COL24A1: variants seen among roughly 807,000 people sequenced by gnomAD.
COL24A1 encodes the protein collagen type XXIV alpha 1 chain.
Under a neutral mutation model 253.9 loss-of-function variants are expected in COL24A1, and 224 were observed. The ratio of observed to expected loss-of-function variants is 0.88; its 90% CI spans 0.79 to 0.99. The LOEUF is 0.99. Ranked by LOEUF, COL24A1 falls within the 50% of genes least tolerant of loss-of-function variation. The probability of loss-of-function intolerance (pLI) is 0.00; values close to 1 mark genes in which losing one functional copy is unlikely to be tolerated. For missense variants in COL24A1, 2,131 were observed against 2,068.5 expected (o/e 1.03, Z -0.59); for synonymous variants, 685 against 673.7 (o/e 1.02, Z -0.26).
At chr1:85,851,303 T>C (rs745616079) in intron 37 of COL24A1, among the ~76,000 whole-genome samples, 16 of 152,124 alleles carry the variant, frequency 1.1e-4, no homozygotes, top group Admixed American at 4.6e-4. Context: ...CTTAAAAAAA[T>C]GCTACAGGAT....
intron 24 of COL24A1, among the ~76,000 whole-genome samples, chr1:85,957,571 T>G (rs1690590925): frequency 6.6e-6 from 1 of 152,192 alleles, no homozygotes; most frequent in Admixed American, 6.5e-5. Flanking sequence ...AATTGCACAC[T>G]GGAGACTGAC....
chr1:85,747,426 T>G (rs1237495218), intron 55 of COL24A1, among the ~76,000 whole-genome samples: 1 of 152,102 alleles, frequency 6.6e-6, no homozygotes, highest in Non-Finnish European at 1.5e-5. Context: ...CTTTTGATAT[T>G]GACTATAGTA....
chr1:85,806,075 CA>C (rs59669169), intron 47 of COL24A1, among the ~76,000 whole-genome samples: 66,888 of 95,040 alleles, frequency 0.7, 21,328 homozygotes, highest in Middle Eastern at 0.82. Context: ...GACTCCGTCT[CA>C]AAAAAAAAAA....
intron 46 of COL24A1, 147 bp from the exon 47 acceptor site, chr1:85,817,042 T>C (rs1673112369): frequency 1.6e-6 from 1 of 618,824 alleles, no homozygotes; most frequent in Admixed American, 3.0e-5. Context: ...TCCTTAATGA[T>C]TTACTATTTG....
chr1:85,809,736 T>C (rs1299873479), intron 47 of COL24A1, among the ~76,000 whole-genome samples: 3 of 149,774 alleles, frequency 2.0e-5, no homozygotes, highest in African/African-American at 4.9e-5. Flanking sequence ...TTTTTTTTGT[T>C]TTTATTATGG....
At position 85,823,692 on chromosome 1, in the gene COL24A1, C is replaced by G. The variant is rs543283926; in HGVS notation, c.3728G>C (p.Gly1243Ala). 6.2e-7 allele frequency: 1 copy of G among 1,613,772 alleles called. No individual in the cohort carries two copies. The change falls in exon 44 of 60, where the codon GGA becomes GCA. Residue 1243 changes from glycine to alanine, a missense_variant. Transcript: ENST00000370571. The part of the protein sequence containing the change: ...PGLRGATGQQ[G>A]PPGEPGDQGE... ...AATGCTTTCAAAACATACTGGGGGT[C>G]CTTGTTGTCCAGTGGCACCTCTTAG...
intron 24 of COL24A1, among the ~76,000 whole-genome samples, chr1:85,938,376 G>C (rs148760778): frequency 6.8e-6 from 1 of 146,710 alleles, no homozygotes; most frequent in African/African-American, 2.5e-5. Flanking sequence ...TGAACTATAA[G>C]CTATGGCAAT....
intron 59 of COL24A1, among the ~76,000 whole-genome samples, chr1:85,731,814 C>T (rs1230857905): frequency 6.6e-6 from 1 of 152,052 alleles, no homozygotes; most frequent in Non-Finnish European, 1.5e-5. Flanking sequence ...AACTAGAGTA[C>T]TCAGGGAAAG....
intron 18 of COL24A1, among the ~76,000 whole-genome samples, chr1:86,020,607 T>C (rs566910142): frequency 6.6e-6 from 1 of 152,258 alleles, no homozygotes; most frequent in Admixed American, 6.5e-5. Context: ...AAATTAATTG[T>C]AAAGCACAAA....
At chr1:85,789,713 G>A (rs1041003944) in intron 47 of COL24A1, among the ~76,000 whole-genome samples, 1 of 152,066 alleles carries the variant, frequency 6.6e-6, no homozygotes, top group Non-Finnish European at 1.5e-5. Context: ...TTATTATTTT[G>A]AGGTATGTTC....
At chr1:86,061,393 T>C (rs1701081757) in intron 8 of COL24A1, among the ~76,000 whole-genome samples, 1 of 152,134 alleles carries the variant, frequency 6.6e-6, no homozygotes, top group Non-Finnish European at 1.5e-5. Flanking sequence ...ACTATCTATC[T>C]GGCTAATGAA....
chr1:86,059,449 G>T (rs1700913191), intron 8 of COL24A1, among the ~76,000 whole-genome samples: 1 of 152,028 alleles, frequency 6.6e-6, no homozygotes, highest in Non-Finnish European at 1.5e-5. Context: ...ATTTATTCTA[G>T]AGGAAGAGCT....
chr1:86,009,129 G>A (rs1696265790), intron 19 of COL24A1, among the ~76,000 whole-genome samples: 1 of 152,086 alleles, frequency 6.6e-6, no homozygotes. Flanking sequence ...AGGTTTATAT[G>A]GAAAAACAAG....
chr1:85,944,327 T>C (rs1041417275), intron 24 of COL24A1, among the ~76,000 whole-genome samples: 9 of 152,214 alleles, frequency 5.9e-5, no homozygotes, highest in Non-Finnish European at 1.0e-4. Flanking sequence ...CAACTGTCAC[T>C]AGAATATTTG....
At chr1:86,103,070 G>A (rs1025491434) in intron 5 of COL24A1, among the ~76,000 whole-genome samples, 1 of 152,008 alleles carries the variant, frequency 6.6e-6, no homozygotes, top group Non-Finnish European at 1.5e-5. Context: ...TCCTGTGTTG[G>A]GATGCATATA....
chr1:86,027,988 TTTAA>T (rs1297704753), intron 14 of COL24A1, among the ~76,000 whole-genome samples: 6 of 152,162 alleles, frequency 3.9e-5, no homozygotes, highest in Admixed American at 1.3e-4. Context: ...AATTTTAAGT[TTTAA>T]TGACTGCCCT....
intron 1 of COL24A1, among the ~76,000 whole-genome samples, chr1:86,148,641 T>C (rs1382111832): frequency 6.6e-6 from 1 of 152,068 alleles, no homozygotes; most frequent in African/African-American, 2.4e-5. Flanking sequence ...AGAATGATGA[T>C]TTCCAATTTC....
At chr1:86,021,891 A>T (rs1210733244) in intron 18 of COL24A1, among the ~76,000 whole-genome samples, 5 of 152,190 alleles carry the variant, frequency 3.3e-5, no homozygotes, top group African/African-American at 1.2e-4. Flanking sequence ...TTCCTTAATA[A>T]AATTGATATT....
At chr1:85,760,064 T>TG (rs1285116353) in intron 55 of COL24A1, among the ~76,000 whole-genome samples, 6 of 6,920 alleles carry the variant, frequency 8.7e-4, no homozygotes, top group Non-Finnish European at 4.3e-3. Context: ...CATTGTTTTT[T>TG]TTTTTTTTTT....
Sources: allele counts gnomAD v4.1 joint callset (sites outside exome capture counted in the v4.1 genomes callset), GRCh38; gene constraint gnomAD v4.1.1; transcripts MANE v1.5; gene names NCBI Gene and HGNC (gene_info 2026-07-23, HGNC 2026-07-21).